Variants in TNS3 observed in about 807,000 individuals in gnomAD.
TNS3 encodes tensin-3.
TNS3 carries 45 observed loss-of-function variants against 140.9 expected under a neutral mutation model. The ratio of observed to expected loss-of-function variants is 0.32; its 90% CI spans 0.25 to 0.41. The LOEUF (loss-of-function observed/expected upper bound fraction) is 0.41, where lower values mean the gene tolerates loss of function less well. Ranked by LOEUF, TNS3 falls within the 10% of genes least tolerant of loss-of-function variation. The pLI, the probability that TNS3 is intolerant of heterozygous loss-of-function variation, is 1.00. For missense variants in TNS3, 1,716 were observed against 1,906.7 expected (o/e 0.90, Z 1.86); for synonymous variants, 815 against 788.4 (o/e 1.03, Z -0.56).
At chr7:47,336,492 C>G (rs920707316) in intron 20 of TNS3, among the ~76,000 whole-genome samples, 7 of 152,184 alleles carry the variant, frequency 4.6e-5, no homozygotes, top group African/African-American at 1.7e-4. Flanking sequence ...ATTAATAAAT[C>G]TAGAGATGTT....
At chr7:47,297,830 C>G (rs11984260) in intron 23 of TNS3, among the ~76,000 whole-genome samples, 15,762 of 149,996 alleles carry the variant, frequency 0.11, 1,030 homozygotes, top group African/African-American at 0.18. Context: ...CTCTGTTGCC[C>G]AGGCTAGAGT....
At position 47,292,924 on chromosome 7, in the gene TNS3, G is replaced by A; in HGVS notation, c.3773-19C>T. 6.2e-7 allele frequency: 1 copy of A among 1,611,984 alleles called. No individual in the cohort carries two copies. Among genetic ancestry groups the A allele is most frequent in the South Asian group, 1.1e-5 (1 of 90,848 alleles). On this transcript the variant is annotated intron_variant, in intron 25 of 30. Transcript: ENST00000311160. ...AGGCTCCCTGCAAAGTGGACAGACA[G>A]CAAACAAGAGTCAACAACTGCTGTA...
intron 13 of TNS3, chr7:47,405,444 A>G: frequency 1.4e-6 from 1 of 695,696 alleles, no homozygotes; most frequent in South Asian, 1.5e-5. Context: ...GTAAAAAGTT[A>G]GATAGCTAAG....
At chr7:47,532,308 G>T (rs10277497) in intron 1 of TNS3, among the ~76,000 whole-genome samples, 54,145 of 152,000 alleles carry the variant, frequency 0.36, 10,424 homozygotes, top group Middle Eastern at 0.53. Context: ...CTGGAGTGGG[G>T]ACTCATGGTG....
chr7:47,488,827 T>C (rs899913506), intron 3 of TNS3, among the ~76,000 whole-genome samples: 1 of 151,874 alleles, frequency 6.6e-6, no homozygotes, highest in African/African-American at 2.4e-5. Flanking sequence ...ATGCCGAAGG[T>C]GGCCTTACTC....
intron 5 of TNS3, among the ~76,000 whole-genome samples, chr7:47,441,491 T>C (rs967377603): frequency 6.6e-6 from 1 of 152,234 alleles, no homozygotes; most frequent in African/African-American, 2.4e-5. Context: ...ATTTATTTTT[T>C]AAGGTTGATT....
chr7:47,519,505 T>A (rs910420265), intron 2 of TNS3, among the ~76,000 whole-genome samples: 5 of 152,136 alleles, frequency 3.3e-5, no homozygotes, highest in African/African-American at 9.7e-5. Context: ...GGGCCACTCA[T>A]CACCATGTAA....
At chr7:47,343,691 A>G (rs571978928) in intron 20 of TNS3, among the ~76,000 whole-genome samples, 24 of 152,386 alleles carry the variant, frequency 1.6e-4, no homozygotes, top group African/African-American at 5.8e-4. Flanking sequence ...ATGCTAATGC[A>G]TATTGGAACA....
At chr7:47,573,422 G>A (rs12702355) in intron 1 of TNS3, among the ~76,000 whole-genome samples, 148,717 of 152,316 alleles carry the variant, frequency 0.98, 72,706 homozygotes, top group East Asian at 1. Context: ...ATCTACAAGC[G>A]CCATGGAAAG....
rs1340640769 is a variant in TNS3 at position 47,426,238 on chromosome 7, C to T, written c.390-2054G>A. The stretch of plus-strand genomic sequence containing the variant: ...TGGAGGTTACAGCGAACCAAGATCA[C>T]GCCACTGCACTCCAGCCCCGGCAAC... On this transcript the variant is annotated intron_variant, in intron 9 of 30. Transcript: ENST00000311160. Among the ~76,000 whole-genome samples, 5 of 152,066 alleles carry T rather than the reference C, an allele frequency of 3.3e-5. 1 individual carries two copies. In the South Asian group the frequency reaches 6.2e-4, roughly 19 times the overall value.
At position 47,444,045 on chromosome 7, in the gene TNS3, A is replaced by G. The variant is rs1012708231; in HGVS notation, c.-75-1990T>C. 1.1e-4 allele frequency among the ~76,000 whole-genome samples: 17 copies of G among 152,394 alleles called. No homozygotes were observed. In the East Asian group the frequency reaches 3.3e-3, roughly 29 times the overall value. Reference sequence around the variant, plus strand: ...CAAAAACCCGTTTAGGTTAATTCATACAATCTGTACATGTAACACTCAAAT... The same window carrying G: ...CAAAAACCCGTTTAGGTTAATTCATGCAATCTGTACATGTAACACTCAAAT... On this transcript the variant is annotated intron_variant, in intron 4 of 30. Transcript: ENST00000311160.
At chr7:47,453,978 T>C (rs1584696333) in intron 4 of TNS3, among the ~76,000 whole-genome samples, 1 of 152,262 alleles carries the variant, frequency 6.6e-6, no homozygotes, top group Non-Finnish European at 1.5e-5. Context: ...TTGTGTGTGC[T>C]TTTTTGTAAC....
chr7:47,312,234 G>C (rs1787146522), intron 20 of TNS3, among the ~76,000 whole-genome samples: 1 of 152,136 alleles, frequency 6.6e-6, no homozygotes, highest in Non-Finnish European at 1.5e-5. Flanking sequence ...ATGGCCCACA[G>C]GAAATGTCCT....
At chr7:47,538,504 A>C (rs536402588) in intron 1 of TNS3, among the ~76,000 whole-genome samples, 12 of 152,208 alleles carry the variant, frequency 7.9e-5, no homozygotes, top group South Asian at 2.1e-4. Flanking sequence ...CTCCACTTGC[A>C]ACTCCACATG....
intron 3 of TNS3, among the ~76,000 whole-genome samples, chr7:47,492,234 G>A (rs1428058352): frequency 6.6e-6 from 1 of 152,200 alleles, no homozygotes; most frequent in Non-Finnish European, 1.5e-5. Context: ...CCCACAGTGG[G>A]GGCAGCCCCT....
intron 20 of TNS3, among the ~76,000 whole-genome samples, chr7:47,339,856 T>A (rs977997215): frequency 2.0e-5 from 3 of 151,492 alleles, no homozygotes; most frequent in Non-Finnish European, 4.4e-5. Flanking sequence ...ATTCTGTGGT[T>A]TCCTTCATCA....
At chr7:47,504,578 T>G (rs1214766652) in intron 3 of TNS3, among the ~76,000 whole-genome samples, 1 of 152,214 alleles carries the variant, frequency 6.6e-6, no homozygotes, top group African/African-American at 2.4e-5. Context: ...CTGAGCAATC[T>G]GAGTGCAGCG....
At chr7:47,556,982 GCCCC>G in intron 1 of TNS3, 1 of 455,004 alleles carries the variant, frequency 2.2e-6, no homozygotes, top group East Asian at 6.9e-5. Flanking sequence ...ACCAAGCCAT[GCCCC>G]CCACAGACGA....
chr7:47,531,919 G>A (rs925745838), intron 1 of TNS3, among the ~76,000 whole-genome samples: 3 of 152,172 alleles, frequency 2.0e-5, no homozygotes, highest in African/African-American at 7.2e-5. Context: ...CACCATCCAC[G>A]GCTGCAGACC....
Sources: gnomAD v4.1 joint callset for allele counts (sites outside exome capture counted in the v4.1 genomes callset) on GRCh38, gnomAD v4.1.1 for gene constraint, MANE v1.5 for transcripts, NCBI Gene and HGNC (gene_info 2026-07-23, HGNC 2026-07-21) for gene names.